The following TRIM44 variants were observed in gnomAD, a reference collection of about 807,000 sequenced individuals.
TRIM44 encodes tripartite motif-containing protein 44.
A neutral mutation model predicts 37.4 loss-of-function variants in TRIM44; 13 were observed. The observed-to-expected ratio is 0.35, with a 90% CI of 0.23 to 0.55. The LOEUF (loss-of-function observed/expected upper bound fraction) is 0.55, where lower values mean the gene tolerates loss of function less well. TRIM44 is among the 20% of genes least tolerant of loss of function. The pLI is 0.89. For missense variants in TRIM44, 426 were observed against 437.2 expected (o/e 0.97, Z 0.23); for synonymous variants, 175 against 157.2 (o/e 1.11, Z -0.85).
intron 2 of TRIM44, among the ~76,000 whole-genome samples, chr11:35,706,037 A>G (rs1851875244): frequency 6.7e-6 from 1 of 148,882 alleles, no homozygotes; most frequent in Non-Finnish European, 1.5e-5. Context: ...AGAAGAAAAG[A>G]GAGAAGAATC....
At chr11:35,777,280 C>G (rs1226201717) in intron 4 of TRIM44, among the ~76,000 whole-genome samples, 1 of 152,094 alleles carries the variant, frequency 6.6e-6, no homozygotes, top group Non-Finnish European at 1.5e-5. Flanking sequence ...ATTGCAACCC[C>G]TGCTTTTTTT....
chr11:35,681,952 C>CTTTT (rs35760830), intron 1 of TRIM44, among the ~76,000 whole-genome samples: 15 of 101,366 alleles, frequency 1.5e-4, no homozygotes, highest in East Asian at 3.0e-4. Flanking sequence ...ATGTCCCATA[C>CTTTT]TTTTTTTTTT....
chr11:35,740,353 G>T (rs1253365449), intron 4 of TRIM44, among the ~76,000 whole-genome samples: 1 of 152,064 alleles, frequency 6.6e-6, no homozygotes, highest in Non-Finnish European at 1.5e-5. Context: ...TGTAGTGGTA[G>T]GAAGTCAGAG....
At chr11:35,785,234 C>T (rs1333395441) in intron 4 of TRIM44, among the ~76,000 whole-genome samples, 2 of 152,188 alleles carry the variant, frequency 1.3e-5, no homozygotes, top group Non-Finnish European at 2.9e-5. Context: ...TGCTGTATCA[C>T]CTAAAAGAAA....
rs1287989420 is a variant in TRIM44 at position 35,807,096 on chromosome 11, T to TA, written c.*715dup. 1.3e-5 allele frequency: 2 copies of TA among 152,174 alleles called. No individual in the cohort carries two copies. Among genetic ancestry groups the TA allele is most frequent in the Admixed American group, 6.5e-5 (1 of 15,276 alleles). The allele number at this position is 152,174 out of a possible 1,614,324, so 9.4% of individuals were successfully genotyped here. A position where few individuals can be genotyped will look rare whatever the true frequency, so the allele number is the denominator to read the frequency against. ...AAAAAAAGGACCAAAGAAGTCTGAT[T>TA]AAAAGTTGAAATCAGTATTTCTGAA... On this transcript the variant is annotated 3_prime_UTR_variant, in exon 5 of 5. Coordinates refer to ENST00000299413, the MANE Select transcript of TRIM44 (RefSeq NM_017583.6).
intron 4 of TRIM44, among the ~76,000 whole-genome samples, chr11:35,744,879 G>T (rs1057108629): frequency 3.3e-5 from 5 of 152,108 alleles, no homozygotes; most frequent in African/African-American, 4.8e-5. Flanking sequence ...CTCCATCCAT[G>T]CCCCTGAAAA....
At chr11:35,690,705 A>G (rs371605957) in intron 2 of TRIM44, among the ~76,000 whole-genome samples, 1 of 152,196 alleles carries the variant, frequency 6.6e-6, no homozygotes, top group South Asian at 2.1e-4. Context: ...CATGAGTTAT[A>G]TTTATTTTAT....
At chr11:35,678,185 G>A (rs1340678714) in intron 1 of TRIM44, among the ~76,000 whole-genome samples, 1 of 152,184 alleles carries the variant, frequency 6.6e-6, no homozygotes, top group Non-Finnish European at 1.5e-5. Context: ...AAGCAAGGGA[G>A]TAAATGATCT....
chr11:35,738,164 T>C (rs940387205), intron 4 of TRIM44, among the ~76,000 whole-genome samples: 14 of 152,120 alleles, frequency 9.2e-5, no homozygotes, highest in Admixed American at 7.2e-4. Context: ...GGCATTTCTG[T>C]CTTAGGAGAG....
At chr11:35,674,571 T>G (rs1590493828) in intron 1 of TRIM44, among the ~76,000 whole-genome samples, 1 of 152,210 alleles carries the variant, frequency 6.6e-6, no homozygotes, top group East Asian at 1.9e-4. Context: ...AGGTAATAAT[T>G]GGTTTTTAAC....
chr11:35,737,324 C>A (rs1427643329), intron 4 of TRIM44, among the ~76,000 whole-genome samples: 3 of 152,102 alleles, frequency 2.0e-5, no homozygotes, highest in Non-Finnish European at 4.4e-5. Flanking sequence ...TTAACCTGAA[C>A]AGATTTGCAT....
intron 4 of TRIM44, among the ~76,000 whole-genome samples, chr11:35,742,038 C>T (rs567050931): frequency 1.2e-4 from 19 of 152,136 alleles, no homozygotes; most frequent in African/African-American, 4.3e-4. Flanking sequence ...TTAAGTGATC[C>T]TCCCAACTCA....
intron 2 of TRIM44, among the ~76,000 whole-genome samples, chr11:35,704,742 A>T (rs1342475659): frequency 2.0e-5 from 3 of 152,232 alleles, no homozygotes; most frequent in African/African-American, 7.2e-5. Flanking sequence ...GGCCTGCCTT[A>T]CAAGAGCTCC....
intron 1 of TRIM44, among the ~76,000 whole-genome samples, chr11:35,679,278 T>C (rs1372600655): frequency 1.3e-5 from 2 of 152,210 alleles, no homozygotes; most frequent in Non-Finnish European, 2.9e-5. Flanking sequence ...CTTCTTCCTA[T>C]TCTGATGCCA....
At chr11:35,800,616 T>C (rs1853354357) in intron 4 of TRIM44, among the ~76,000 whole-genome samples, 1 of 152,194 alleles carries the variant, frequency 6.6e-6, no homozygotes, top group African/African-American at 2.4e-5. Context: ...GAGGTCCAGC[T>C]GGCTTCACCT....
Position 35,683,259 on chromosome 11 carries a change from A to G in TRIM44, c.670-2000A>G, listed in dbSNP as rs151149505. Among the ~76,000 whole-genome samples the G allele has an allele frequency of 4.7e-3, 713 of 152,300 alleles. 6 individuals are homozygous for G. The Middle Eastern group carries it at 0.051, about 11-fold the overall frequency. ...GGAGGATATAGGGGAGTTGTAAACCATCATTTTAAAAAATAGAACTTATTA... is the reference window on the plus strand; with the variant it reads ...GGAGGATATAGGGGAGTTGTAAACCGTCATTTTAAAAAATAGAACTTATTA... On this transcript the variant is annotated intron_variant, in intron 1 of 4. Transcript: ENST00000299413.
intron 4 of TRIM44, among the ~76,000 whole-genome samples, chr11:35,792,111 A>ACACACCCACTCT (rs796092540): frequency 8.7e-6 from 1 of 114,298 alleles, no homozygotes; most frequent in Non-Finnish European, 1.8e-5. Flanking sequence ...ACACACACAC[A>ACACACCCACTCT]CTCTCTCTCA....
At chr11:35,701,697 G>C (rs1851790806) in intron 2 of TRIM44, among the ~76,000 whole-genome samples, 1 of 152,104 alleles carries the variant, frequency 6.6e-6, no homozygotes, top group Admixed American at 6.5e-5. Context: ...TTTATCCTAA[G>C]GTACCCCTCT....
intron 2 of TRIM44, among the ~76,000 whole-genome samples, chr11:35,693,182 A>C (rs981194136): frequency 6.6e-6 from 1 of 152,120 alleles, no homozygotes. Flanking sequence ...ACATACTCCT[A>C]AGTTAGGTTT....
Sources: gnomAD v4.1 joint callset for allele counts (sites outside exome capture counted in the v4.1 genomes callset) on GRCh38, gnomAD v4.1.1 for gene constraint, MANE v1.5 for transcripts, NCBI Gene and HGNC (gene_info 2026-07-23, HGNC 2026-07-21) for gene names.